The following GXYLT2 variants were observed in gnomAD, a reference collection of about 807,000 sequenced individuals.
GXYLT2 encodes glycosyltransferase 8 domain containing 4.
Under a neutral mutation model 45.8 loss-of-function variants are expected in GXYLT2, and 53 were observed. The ratio of observed to expected loss-of-function variants is 1.16; its 90% CI spans 0.93 to 1.46. The LOEUF is 1.46. Among genes scored for constraint, GXYLT2 ranks in the 40% most tolerant of loss-of-function variants. GXYLT2 has a pLI of 0.00. For synonymous variants in GXYLT2, 219 were observed against 214.2 expected (o/e 1.02, Z -0.19); for missense variants, 551 against 544.4 (o/e 1.01, Z -0.12).
At position 72,915,354 on chromosome 3, in the gene GXYLT2, T is replaced by TTTTGGGGGG. The variant is rs71126805; in HGVS notation, c.468+6795_468+6796insTTTGGGGGG. Among the ~76,000 whole-genome samples, 3 of 33,482 alleles carry TTTTGGGGGG rather than the reference T, an allele frequency of 9.0e-5. 1 individual carries two copies. Among genetic ancestry groups the TTTTGGGGGG allele is most frequent in the African/African-American group, 3.3e-4 (2 of 6,152 alleles). The allele number at this position is 33,482 out of a possible 152,430, so 22.0% of individuals were successfully genotyped here. A position where few individuals can be genotyped will look rare whatever the true frequency, so the allele number is the denominator to read the frequency against. On this transcript the variant is annotated intron_variant, in intron 2 of 6. Coordinates refer to ENST00000389617, the MANE Select transcript of GXYLT2 (RefSeq NM_001080393.2). The stretch of plus-strand genomic sequence containing the variant: ...ACCCATTTCCTTTTTTTTTTTTTTT[T>TTTTGGGGGG]GCGGGGGGGGGGGGGATTTAGGAAA...
At chr3:72,968,188 G>T (rs547875930) in intron 6 of GXYLT2, among the ~76,000 whole-genome samples, 1 of 152,026 alleles carries the variant, frequency 6.6e-6, no homozygotes. Flanking sequence ...TGGCCAGGCT[G>T]GTCTCGAACT....
intron 5 of GXYLT2, among the ~76,000 whole-genome samples, chr3:72,967,228 A>G (rs563596624): frequency 2.0e-5 from 3 of 152,354 alleles, no homozygotes; most frequent in East Asian, 3.9e-4. Context: ...GTGACTAGAC[A>G]TGGATTTCAG....
intron 5 of GXYLT2, among the ~76,000 whole-genome samples, chr3:72,967,284 G>A (rs769875603): frequency 6.6e-6 from 1 of 152,152 alleles, no homozygotes; most frequent in Admixed American, 6.5e-5. Flanking sequence ...GCTGCCTCGT[G>A]CCTGTGTTTG....
chr3:72,958,135 G>A (rs1222471157), intron 5 of GXYLT2, among the ~76,000 whole-genome samples: 9 of 151,924 alleles, frequency 5.9e-5, no homozygotes, highest in East Asian at 3.9e-4. Flanking sequence ...TTAGCCAGAT[G>A]TGGTGGTAGG....
intron 1 of GXYLT2, among the ~76,000 whole-genome samples, chr3:72,896,753 G>A (rs968334539): frequency 8.5e-5 from 13 of 152,078 alleles, no homozygotes; most frequent in African/African-American, 2.9e-4. Context: ...GGAGGCTGAG[G>A]CAAGAGATAT....
At chr3:72,918,100 C>T (rs1709771586) in intron 2 of GXYLT2, among the ~76,000 whole-genome samples, 1 of 152,132 alleles carries the variant, frequency 6.6e-6, no homozygotes, top group Non-Finnish European at 1.5e-5. Flanking sequence ...TAGAAGCAGC[C>T]ACAAACAATA....
At chr3:72,967,038 G>T (rs1710879186) in intron 5 of GXYLT2, among the ~76,000 whole-genome samples, 1 of 152,200 alleles carries the variant, frequency 6.6e-6, no homozygotes, top group African/African-American at 2.4e-5. Flanking sequence ...CAAACTCTGG[G>T]ATTACAGGTG....
chr3:72,948,212 C>G (rs34294658), intron 3 of GXYLT2, among the ~76,000 whole-genome samples: 29,840 of 152,058 alleles, frequency 0.2, 3,394 homozygotes, highest in East Asian at 0.36. Context: ...TCGTGAAAAC[C>G]AGTGAGGATA....
chr3:72,929,306 C>A, intron 3 of GXYLT2: 1 of 1,221,232 alleles, frequency 8.2e-7, no homozygotes, highest in Admixed American at 1.7e-5. Context: ...TATCAAGAAA[C>A]CAGACTGTGA....
chr3:72,896,465 G>A (rs190908517), intron 1 of GXYLT2, among the ~76,000 whole-genome samples: 6 of 152,222 alleles, frequency 3.9e-5, no homozygotes, highest in Non-Finnish European at 8.8e-5. Flanking sequence ...CTTTTCTTGT[G>A]GGGGTAGGTA....
chr3:72,892,762 T>A (rs1709205652), intron 1 of GXYLT2, among the ~76,000 whole-genome samples: 2 of 152,174 alleles, frequency 1.3e-5, no homozygotes, highest in South Asian at 4.1e-4. Context: ...TATAATTAGC[T>A]AATAGCCCCA....
At chr3:72,928,860 G>A (rs1437150596) in intron 3 of GXYLT2, among the ~76,000 whole-genome samples, 2 of 152,090 alleles carry the variant, frequency 1.3e-5, no homozygotes, top group African/African-American at 2.4e-5. Flanking sequence ...GTTCCTCGCC[G>A]GGAGTCGTCG....
rs750820477 is a variant in GXYLT2 at position 72,955,084 on chromosome 3, C to A, written c.601-14C>A. On this transcript the variant is annotated splice_polypyrimidine_tract_variant and intron_variant, in intron 3 of 6. Coordinates refer to ENST00000389617, the MANE Select transcript of GXYLT2 (RefSeq NM_001080393.2). ...CCCTCCTCTCCCCTTTACACCCACT[C>A]CTTACACACAAAGGTGATTTTAAAG... 4 of 1,612,728 alleles carry A rather than the reference C, an allele frequency of 2.5e-6. No homozygotes were observed. The African/African-American group carries it at 4.0e-5, about 16-fold the overall frequency.
At chr3:72,928,998 C>A in intron 3 of GXYLT2, 1 of 1,210,840 alleles carries the variant, frequency 8.3e-7, no homozygotes, top group Non-Finnish European at 1.2e-6. Context: ...CCCGCCGCCG[C>A]TCCAGCGCCG....
Position 72,906,631 on chromosome 3 carries a change from A to G in GXYLT2, c.276-1736A>G, listed in dbSNP as rs571713465. ...TCACTGTCTTCCTAGAATAATGCCT[A>G]CACATAACAGTACTTAGTAAAGATT... On this transcript the variant is annotated intron_variant, in intron 1 of 6. Coordinates refer to ENST00000389617, the MANE Select transcript of GXYLT2 (RefSeq NM_001080393.2). Among the ~76,000 whole-genome samples the G allele has an allele frequency of 1.2e-4, 18 of 152,318 alleles. No individual in the cohort carries two copies. In the South Asian group the frequency reaches 3.1e-3, roughly 26 times the overall value.
intron 1 of GXYLT2, among the ~76,000 whole-genome samples, chr3:72,890,371 C>T (rs1284768264): frequency 6.6e-6 from 1 of 152,244 alleles, no homozygotes; most frequent in African/African-American, 2.4e-5. Flanking sequence ...TTTAACACGT[C>T]CCTCCCATTG....
chr3:72,965,748 G>A (rs4569580), intron 5 of GXYLT2, among the ~76,000 whole-genome samples: 72,513 of 151,970 alleles, frequency 0.48, 20,140 homozygotes, highest in Non-Finnish European at 0.62. Flanking sequence ...ATGTATAACA[G>A]TCAACAGTGT....
At chr3:72,964,201 C>T (rs912061481) in intron 5 of GXYLT2, among the ~76,000 whole-genome samples, 1 of 152,182 alleles carries the variant, frequency 6.6e-6, no homozygotes, top group Non-Finnish European at 1.5e-5. Flanking sequence ...GCCAGATTTA[C>T]ACCTCTGCAC....
intron 5 of GXYLT2, among the ~76,000 whole-genome samples, chr3:72,966,948 T>C (rs535922465): frequency 2.0e-5 from 3 of 152,190 alleles, no homozygotes; most frequent in South Asian, 2.1e-4. Flanking sequence ...TTAAAATTTG[T>C]ATGGAGACAG....
Sources: gnomAD v4.1 joint callset for allele counts (sites outside exome capture counted in the v4.1 genomes callset) on GRCh38, gnomAD v4.1.1 for gene constraint, MANE v1.5 for transcripts, NCBI Gene and HGNC (gene_info 2026-07-23, HGNC 2026-07-21) for gene names.